Variants in GABRB2 observed in about 807,000 individuals in gnomAD.
GABRB2 encodes the protein gamma-aminobutyric acid type A receptor subunit beta2.
In GABRB2, 16 loss-of-function variants were observed where a neutral mutation model predicts 54.7. That is an observed-to-expected ratio of 0.29 (90% confidence interval 0.20 to 0.44). The LOEUF (loss-of-function observed/expected upper bound fraction) is 0.44, where lower values mean the gene tolerates loss of function less well. GABRB2 is among the 20% of genes least tolerant of loss of function. The pLI, the probability that GABRB2 is intolerant of heterozygous loss-of-function variation, is 1.00. For missense variants in GABRB2, 355 were observed against 644.0 expected, an observed-to-expected ratio of 0.55 and a Z score of 4.86; for synonymous variants, 244 against 233.8, an observed-to-expected ratio of 1.04 and a Z score of -0.40.
At chr5:161,465,341 G>C (rs936702617) in intron 3 of GABRB2, among the ~76,000 whole-genome samples, 1 of 152,046 alleles carries the variant, frequency 6.6e-6, no homozygotes, top group African/African-American at 2.4e-5. Context: ...GGCTGACAAG[G>C]CCACCATAAT....
At chr5:161,312,419 A>C (rs1580970260) in intron 9 of GABRB2, among the ~76,000 whole-genome samples, 1 of 152,318 alleles carries the variant, frequency 6.6e-6, no homozygotes, top group African/African-American at 2.4e-5. Flanking sequence ...GAAATTAAGA[A>C]AATTATAAAT....
intron 4 of GABRB2, among the ~76,000 whole-genome samples, chr5:161,455,529 A>ATTT (rs34494220): frequency 9.4e-5 from 13 of 137,912 alleles, no homozygotes; most frequent in Non-Finnish European, 1.2e-4. Flanking sequence ...TTGTTCCCCA[A>ATTT]TTTTTTTTTT....
intron 9 of GABRB2, among the ~76,000 whole-genome samples, chr5:161,321,734 A>G (rs1426067536): frequency 2.0e-5 from 3 of 152,106 alleles, no homozygotes; most frequent in Admixed American, 6.6e-5. Context: ...GTATACTGAA[A>G]CCTAACTTTT....
chr5:161,437,274 G>T (rs911822942), intron 4 of GABRB2, among the ~76,000 whole-genome samples: 1 of 151,866 alleles, frequency 6.6e-6, no homozygotes, highest in Non-Finnish European at 1.5e-5. Context: ...AAGGAGGTGG[G>T]AGGGCTTGGT....
At chr5:161,429,130 T>C (rs35077410) in intron 4 of GABRB2, among the ~76,000 whole-genome samples, 3,933 of 151,464 alleles carry the variant, frequency 0.026, 67 homozygotes, top group Non-Finnish European at 0.034. Flanking sequence ...GCAGATCACC[T>C]GAGGTCAAGA....
intron 9 of GABRB2, among the ~76,000 whole-genome samples, chr5:161,305,072 A>C (rs1403048476): frequency 2.3e-5 from 3 of 131,866 alleles, no homozygotes; most frequent in Non-Finnish European, 4.6e-5. Context: ...TGCGGACTGC[A>C]GTGGCGCAAT....
At chr5:161,511,975 C>A (rs1281882642) in intron 3 of GABRB2, among the ~76,000 whole-genome samples, 1 of 151,900 alleles carries the variant, frequency 6.6e-6, no homozygotes, top group Non-Finnish European at 1.5e-5. Flanking sequence ...ACAATTCAAT[C>A]CATGGTTAAT....
chr5:161,432,178 T>G (rs760387917), intron 4 of GABRB2, among the ~76,000 whole-genome samples: 1 of 152,206 alleles, frequency 6.6e-6, no homozygotes, highest in African/African-American at 2.4e-5. Context: ...CACCAGATTC[T>G]CCTTACTTTG....
At chr5:161,448,240 T>C (rs546802374) in intron 4 of GABRB2, among the ~76,000 whole-genome samples, 6 of 152,004 alleles carry the variant, frequency 3.9e-5, no homozygotes, top group African/African-American at 1.2e-4. Context: ...CTGGGGAACA[T>C]AGTGAGACCT....
chr5:161,367,741 A>C (rs1755011401), intron 5 of GABRB2, among the ~76,000 whole-genome samples: 2 of 151,488 alleles, frequency 1.3e-5, no homozygotes, highest in African/African-American at 4.9e-5. Context: ...TTGAGTGTCA[A>C]AAAATGTTAC....
intron 8 of GABRB2, among the ~76,000 whole-genome samples, chr5:161,328,392 G>A: frequency 6.6e-6 from 1 of 151,964 alleles, no homozygotes; most frequent in Non-Finnish European, 1.5e-5. Flanking sequence ...CATGTATTGA[G>A]GACTATATTA....
intron 3 of GABRB2, among the ~76,000 whole-genome samples, chr5:161,503,709 C>CAAAAAAAA (rs33992062): frequency 2.2e-5 from 2 of 91,686 alleles, no homozygotes; most frequent in Non-Finnish European, 2.3e-5. Flanking sequence ...AATTCCTTCT[C>CAAAAAAAA]AAAAAAAAAA....
At position 161,521,783 on chromosome 5, in the gene GABRB2, G is replaced by A. The variant is rs1196332282; in HGVS notation, c.237+23444C>T. Among the ~76,000 whole-genome samples, 8 of 151,956 alleles carry A rather than the reference G, an allele frequency of 5.3e-5. 1 individual carries two copies. On this transcript the variant is annotated intron_variant, in intron 3 of 9. Coordinates refer to ENST00000393959, the MANE Select transcript of GABRB2 (RefSeq NM_001371727.1). ...AAAGACCATATCTAAACCAACTTAT[G>A]GAGGTTGATACCTGAACAAGTTTGT...
chr5:161,503,716 A>C (rs1485677009), intron 3 of GABRB2, among the ~76,000 whole-genome samples: 1 of 151,774 alleles, frequency 6.6e-6, no homozygotes, highest in Non-Finnish European at 1.5e-5. Flanking sequence ...TCTCAAAAAA[A>C]AAAAAAAAAA....
chr5:161,543,762 A>G (rs1321132109), intron 3 of GABRB2, among the ~76,000 whole-genome samples: 1 of 152,250 alleles, frequency 6.6e-6, no homozygotes, highest in African/African-American at 2.4e-5. Context: ...CCAAAAGTGA[A>G]TATTTGTATA....
chr5:161,312,457 C>A (rs1247636932), intron 9 of GABRB2, among the ~76,000 whole-genome samples: 1 of 152,088 alleles, frequency 6.6e-6, no homozygotes, highest in African/African-American at 2.4e-5. Flanking sequence ...AAGGTCAACC[C>A]CAGCTGATAA....
At chr5:161,320,940 G>T (rs1214804061) in intron 9 of GABRB2, among the ~76,000 whole-genome samples, 4 of 151,872 alleles carry the variant, frequency 2.6e-5, no homozygotes, top group Non-Finnish European at 5.9e-5. Flanking sequence ...AAGGGTTTTT[G>T]CAAGATTTAT....
At chr5:161,526,729 C>A (rs1016447141) in intron 3 of GABRB2, among the ~76,000 whole-genome samples, 3 of 151,234 alleles carry the variant, frequency 2.0e-5, no homozygotes, top group Non-Finnish European at 3.0e-5. Context: ...ATATAAGAAT[C>A]CCATTGACAA....
chr5:161,311,331 C>T (rs1757862754), intron 9 of GABRB2, among the ~76,000 whole-genome samples: 1 of 152,170 alleles, frequency 6.6e-6, no homozygotes, highest in East Asian at 1.9e-4. Context: ...AATAATAGAA[C>T]TGAAGAAAGA....
Sources: gnomAD v4.1 joint callset for allele counts (sites outside exome capture counted in the v4.1 genomes callset) on GRCh38, gnomAD v4.1.1 for gene constraint, MANE v1.5 for transcripts, NCBI Gene and HGNC (gene_info 2026-07-23, HGNC 2026-07-21) for gene names.